Variants in PARD3B observed in about 807,000 individuals in gnomAD.
PARD3B encodes par-3 family cell polarity regulator beta.
Under a neutral mutation model 130.2 loss-of-function variants are expected in PARD3B, and 103 were observed. That is an observed-to-expected ratio of 0.79 (90% CI 0.67 to 0.93). PARD3B has a LOEUF of 0.93. PARD3B is among the 40% of genes least tolerant of loss of function. The probability of loss-of-function intolerance (pLI) is 0.00; values close to 1 mark genes in which losing one functional copy is unlikely to be tolerated. For synonymous variants in PARD3B, 583 were observed against 553.2 expected (o/e 1.05, Z -0.76); for missense variants, 1,609 against 1,499.2 (o/e 1.07, Z -1.21).
chr2:204,571,737 T>G (rs2125068830), intron 1 of PARD3B, among the ~76,000 whole-genome samples: 1 of 152,324 alleles, frequency 6.6e-6, no homozygotes, highest in Non-Finnish European at 1.5e-5. Flanking sequence ...TATTAGGGAC[T>G]TAATACAGTA....
chr2:205,266,096 T>C (rs1460484604), intron 16 of PARD3B, among the ~76,000 whole-genome samples: 2 of 152,116 alleles, frequency 1.3e-5, no homozygotes, highest in African/African-American at 4.8e-5. Flanking sequence ...CTTTGCCTTT[T>C]AGACTTCCGT....
intron 2 of PARD3B, among the ~76,000 whole-genome samples, chr2:204,882,793 G>A (rs1023764626): frequency 2.0e-5 from 3 of 152,170 alleles, no homozygotes; most frequent in African/African-American, 4.8e-5. Flanking sequence ...GGAGAGGTCA[G>A]GTGATTATGA....
chr2:205,580,834 A>T (rs1030455213), intron 22 of PARD3B, among the ~76,000 whole-genome samples: 4 of 152,160 alleles, frequency 2.6e-5, no homozygotes, highest in African/African-American at 9.7e-5. Context: ...CTTGGAAAAA[A>T]AGCTGCTCTC....
chr2:205,589,881 CAGCTGAA>C lies in PARD3B; in HGVS notation c.3261-25572_3261-25566del, dbSNP rs1188612717. ...TCCCTGTCCACTAACATCTTTAGCA[CAGCTGAA>C]AGAGGGAGTTCTTCTAGGTCTTTTG... is the stretch of plus-strand genomic sequence containing the variant. On this transcript the variant is annotated intron_variant, in intron 22 of 22. Transcript: ENST00000406610. This position sits in a 1 kb window ranked among gnomAD's most constrained non-coding sequence, Gnocchi z 4.1. Among the ~76,000 whole-genome samples, 2 of 152,144 alleles carry C rather than the reference CAGCTGAA, an allele frequency of 1.3e-5. No homozygotes were observed. Among genetic ancestry groups the C allele is most frequent in the African/African-American group, 4.8e-5 (2 of 41,426 alleles).
rs967899540 is a variant in PARD3B, at chr2:205,421,895, G to T, written c.2742-18475G>T. On this transcript the variant is annotated intron_variant, in intron 19 of 22. Transcript: ENST00000406610. This position sits in a 1 kb window ranked among gnomAD's most constrained non-coding sequence, Gnocchi z 5.1. ...CAATCTCTGCTTCCGTTGTCACTTGGCCTTCTCTCTCAGACCTTGCTTTGT... is the reference window on the plus strand; with the variant it reads ...CAATCTCTGCTTCCGTTGTCACTTGTCCTTCTCTCTCAGACCTTGCTTTGT... Among the ~76,000 whole-genome samples the T allele has an allele frequency of 5.3e-5, 8 of 152,068 alleles. No individual in the cohort carries two copies. The highest frequency in any genetic ancestry group is 1.9e-4 in the African/African-American group (8 of 41,416).
intron 21 of PARD3B, among the ~76,000 whole-genome samples, chr2:205,510,136 G>A (rs577187769): frequency 3.4e-4 from 52 of 152,262 alleles, no homozygotes; most frequent in South Asian, 2.1e-3. Context: ...GTAAATTTGG[G>A]CAATTTATTT....
intron 1 of PARD3B, among the ~76,000 whole-genome samples, chr2:204,655,676 T>C (rs887740983): frequency 6.6e-6 from 1 of 152,174 alleles, no homozygotes; most frequent in Non-Finnish European, 1.5e-5. Context: ...GCTAGCTGTG[T>C]GAACATGTAC....
intron 3 of PARD3B, among the ~76,000 whole-genome samples, chr2:205,001,322 C>G (rs1694812002): frequency 6.6e-6 from 1 of 152,208 alleles, no homozygotes; most frequent in African/African-American, 2.4e-5. Flanking sequence ...CCAATACTTT[C>G]AATTGCTAGA....
At chr2:205,074,474 T>C (rs1324572529) in intron 4 of PARD3B, among the ~76,000 whole-genome samples, 1 of 152,170 alleles carries the variant, frequency 6.6e-6, no homozygotes, top group African/African-American at 2.4e-5. Flanking sequence ...TCGTATGTCA[T>C]CTATTGCCTG....
At chr2:205,571,556 G>A (rs1400719647) in intron 22 of PARD3B, among the ~76,000 whole-genome samples, 1 of 152,148 alleles carries the variant, frequency 6.6e-6, no homozygotes, top group African/African-American at 2.4e-5. Flanking sequence ...AATCAACAGG[G>A]AGAGTAAAAC....
At chr2:205,089,146 C>CTTTTTTTTTTTTCTTTT (rs1701939615) in intron 4 of PARD3B, among the ~76,000 whole-genome samples, 2 of 143,266 alleles carry the variant, frequency 1.4e-5, no homozygotes, top group Admixed American at 7.0e-5. Context: ...TTTTTTCTTT[C>CTTTTTTTTTTTTCTTTT]TTTTTTTTTT....
rs573907036 is a variant in PARD3B at position 205,276,857 on chromosome 2, T to C, written c.2186-23673T>C. Among the ~76,000 whole-genome samples, 1 of 152,296 alleles carries C rather than the reference T, an allele frequency of 6.6e-6. No individual in the cohort carries two copies. The highest frequency in any genetic ancestry group is 2.1e-4 in the South Asian group (1 of 4,826). ...AGCTGGCTCTCTGTGTGACCCTTAG[T>C]CATGCTGAGCCTCAGCTTATTTAGC... On this transcript the variant is annotated intron_variant, in intron 16 of 22. Coordinates refer to ENST00000406610, the MANE Select transcript of PARD3B (RefSeq NM_001302769.2). This position sits in a 1 kb window ranked among gnomAD's most constrained non-coding sequence, Gnocchi z 5.0.
chr2:204,642,873 G>T, intron 1 of PARD3B, among the ~76,000 whole-genome samples: 1 of 151,292 alleles, frequency 6.6e-6, no homozygotes, highest in Admixed American at 6.6e-5. Flanking sequence ...CAGCACTTTG[G>T]GAGGCCGAGG....
At chr2:204,629,523 T>C (rs953420012) in intron 1 of PARD3B, among the ~76,000 whole-genome samples, 1 of 152,192 alleles carries the variant, frequency 6.6e-6, no homozygotes, top group African/African-American at 2.4e-5. Context: ...TATCAGTAGA[T>C]TTATTAAGTT....
intron 15 of PARD3B, among the ~76,000 whole-genome samples, chr2:205,242,797 C>T (rs1181776313): frequency 6.6e-6 from 1 of 152,104 alleles, no homozygotes; most frequent in Non-Finnish European, 1.5e-5. Flanking sequence ...TGCTTTTGTA[C>T]ATTTTTTTTC....
At chr2:205,363,337 G>A (rs1171987348) in intron 18 of PARD3B, among the ~76,000 whole-genome samples, 1 of 152,170 alleles carries the variant, frequency 6.6e-6, no homozygotes. Context: ...AAGCAGTGGA[G>A]AGGAGAGGGG....
At chr2:204,784,451 A>G (rs771842432) in intron 2 of PARD3B, among the ~76,000 whole-genome samples, 1 of 152,182 alleles carries the variant, frequency 6.6e-6, no homozygotes. Flanking sequence ...AGGACAAACT[A>G]TACCCTTCTG....
chr2:205,231,035 A>G (rs983503343), intron 15 of PARD3B, among the ~76,000 whole-genome samples: 1 of 152,116 alleles, frequency 6.6e-6, no homozygotes, highest in African/African-American at 2.4e-5. Context: ...TGGTGGTGTC[A>G]GCAAATCAAG....
intron 21 of PARD3B, among the ~76,000 whole-genome samples, chr2:205,532,162 TTCTGAGGTGCAAAG>T (rs532906627): frequency 6.2e-4 from 94 of 152,338 alleles, no homozygotes; most frequent in Middle Eastern, 3.4e-3. Flanking sequence ...TGTTGACACC[TTCTGAGGTGCAAAG>T]ATTCATAGAA....
Sources: allele counts gnomAD v4.1 joint callset (sites outside exome capture counted in the v4.1 genomes callset), GRCh38; gene constraint gnomAD v4.1.1; non-coding constraint Gnocchi (gnomAD v3.1); transcripts MANE v1.5; gene names NCBI Gene and HGNC (gene_info 2026-07-23, HGNC 2026-07-21).